The following PRMT2 variants were observed in gnomAD, a reference collection of about 807,000 sequenced individuals.
PRMT2 encodes protein arginine N-methyltransferase 2.
In PRMT2, 26 loss-of-function variants were observed where a neutral mutation model predicts 57.6. The observed-to-expected ratio is 0.45, with a 90% CI of 0.33 to 0.63. PRMT2 has a LOEUF of 0.63. Ranked by LOEUF, PRMT2 falls within the 20% of genes least tolerant of loss-of-function variation. The probability of loss-of-function intolerance (pLI) is 0.02; values close to 1 mark genes in which losing one functional copy is unlikely to be tolerated. For missense variants in PRMT2, 472 were observed against 564.4 expected, an observed-to-expected ratio of 0.84 and a Z score of 1.66; for synonymous variants, 219 against 220.0, an observed-to-expected ratio of 1.00 and a Z score of 0.04.
rs373960458 is a variant in PRMT2 at position 46,660,081 on chromosome 21, T to C, written c.831-752T>C. The C allele has an allele frequency of 8.6e-5, 84 of 975,578 alleles. 1 individual carries two copies. The South Asian group carries it at 3.5e-3, about 41-fold the overall frequency. The allele number at this position is 975,578 out of a possible 1,614,324, so 60.4% of individuals were successfully genotyped here. A position where few individuals can be genotyped will look rare whatever the true frequency, so the allele number is the denominator to read the frequency against. On this transcript the variant is annotated intron_variant, in intron 8 of 11. Transcript: ENST00000355680. ...TCCAATTTTTAAATTTGTAATTTTT[T>C]ATCAGAAAAATAAATGTGTAAATAT...
intron 8 of PRMT2, chr21:46,659,881 TAGAA>T (rs1328756773): frequency 2.0e-6 from 2 of 985,314 alleles, no homozygotes; most frequent in African/African-American, 3.5e-5. Context: ...TAATGATATT[TAGAA>T]AGGGTTTAAG....
Position 46,648,661 on chromosome 21 carries a change from G to T in PRMT2, c.489+42G>T, listed in dbSNP as rs778314426. 1.9e-6 allele frequency: 3 copies of T among 1,601,148 alleles called. No homozygotes were observed. The highest frequency in any genetic ancestry group is 2.7e-5 in the African/African-American group (2 of 74,846). On this transcript the variant is annotated intron_variant, in intron 6 of 11. Coordinates refer to ENST00000355680, the MANE Select transcript of PRMT2 (RefSeq NM_206962.4). The surrounding 1 kb of genome is among the most constrained non-coding windows in gnomAD (Gnocchi z 4.8). ...GCGCATCCCGGGTGTTTGTGCCGAGGCTGGTGACGTCCGAGGTGGCCTCTG... is the reference window on the plus strand; with the variant it reads ...GCGCATCCCGGGTGTTTGTGCCGAGTCTGGTGACGTCCGAGGTGGCCTCTG...
intron 7 of PRMT2, among the ~76,000 whole-genome samples, chr21:46,656,544 G>GT (rs942107453): frequency 5.9e-5 from 9 of 151,958 alleles, no homozygotes; most frequent in South Asian, 2.1e-4. Context: ...TGGTCAATGG[G>GT]TTTTTTTTAA....
chr21:46,658,449 C>T (rs552674304), intron 7 of PRMT2: 30 of 300,672 alleles, frequency 1.0e-4, no homozygotes, highest in African/African-American at 6.1e-4. Flanking sequence ...CGAGCTCTTC[C>T]GTGACTGAGA....
intron 1 of PRMT2, chr21:46,636,225 C>T (rs1306233271): frequency 2.0e-5 from 3 of 152,380 alleles, no homozygotes; most frequent in Non-Finnish European, 4.4e-5. Context: ...CCGAGGGCAT[C>T]TTAGGAGGGC....
At chr21:46,643,403 A>G in intron 3 of PRMT2, 132 bp from the exon 4 acceptor site, 2 of 1,301,988 alleles carry the variant, frequency 1.5e-6, no homozygotes, top group African/African-American at 3.0e-5. Context: ...AGATGATCCA[A>G]ATAGTTTGTA....
chr21:46,661,715 C>A, intron 9 of PRMT2, 85 bp from the exon 10 acceptor site: 1 of 1,228,942 alleles, frequency 8.1e-7, no homozygotes, highest in Non-Finnish European at 1.0e-6. Context: ...AGCGTCTGCG[C>A]GGGGCGCGTG....
At chr21:46,654,090 C>T (rs896921040) in intron 7 of PRMT2, 10 of 985,510 alleles carry the variant, frequency 1.0e-5, no homozygotes, top group African/African-American at 7.0e-5. Context: ...CAGTGTCCTC[C>T]TTCCCAGCAG....
chr21:46,646,473 T>C (rs1251081613), intron 5 of PRMT2, among the ~76,000 whole-genome samples: 1 of 152,220 alleles, frequency 6.6e-6, no homozygotes, highest in Non-Finnish European at 1.5e-5. Flanking sequence ...AGAAAAGGCA[T>C]TGTTCCACCA....
intron 9 of PRMT2, 109 bp downstream of exon 9, chr21:46,661,071 G>C: frequency 9.5e-7 from 1 of 1,055,984 alleles, no homozygotes; most frequent in Non-Finnish European, 1.3e-6. Context: ...GGGTGTGAGT[G>C]AATAACTAAT....
At chr21:46,661,273 A>C in intron 9 of PRMT2, 1 of 211,832 alleles carries the variant, frequency 4.7e-6, no homozygotes, top group Non-Finnish European at 9.3e-6. Context: ...TCGTTTCATT[A>C]TGGTATTTGC....
chr21:46,647,735 T>C (rs539976017), intron 5 of PRMT2, among the ~76,000 whole-genome samples: 28 of 152,328 alleles, frequency 1.8e-4, no homozygotes, highest in African/African-American at 6.5e-4. Context: ...GTAAAAAATA[T>C]AATGTAAAAT....
intron 9 of PRMT2, 112 bp from the exon 10 acceptor site, chr21:46,661,688 C>A (rs899793017): frequency 2.7e-6 from 3 of 1,117,802 alleles, no homozygotes; most frequent in African/African-American, 1.6e-5. Context: ...GGCTTTTCTA[C>A]GGTTCCTGAC....
At chr21:46,652,310 G>C in intron 7 of PRMT2, 2 of 1,244,862 alleles carry the variant, frequency 1.6e-6, no homozygotes, top group Non-Finnish European at 2.0e-6. Flanking sequence ...TAAAATACTT[G>C]ACAAAAAATT....
At chr21:46,658,447 TC>T in intron 7 of PRMT2, 1 of 297,838 alleles carries the variant, frequency 3.4e-6, no homozygotes, top group South Asian at 5.5e-5. Context: ...TACGAGCTCT[TC>T]CGTGACTGAG....
chr21:46,637,645 C>T (rs1041999991), intron 3 of PRMT2, among the ~76,000 whole-genome samples: 6 of 151,826 alleles, frequency 4.0e-5, no homozygotes, highest in African/African-American at 1.2e-4. Flanking sequence ...TGTTTTAATT[C>T]CGTGGACATC....
At chr21:46,659,659 G>C (rs1344918661) in intron 8 of PRMT2, 9 of 985,350 alleles carry the variant, frequency 9.1e-6, no homozygotes, top group Non-Finnish European at 8.4e-6. Context: ...AGGCTTGCCT[G>C]GCAGTGGCAG....
Position 46,649,501 on chromosome 21 carries a change from GT to G in PRMT2, c.490-72del, listed in dbSNP as rs759982236. 1 of 1,605,218 alleles carries G rather than the reference GT, an allele frequency of 6.2e-7. No homozygotes were observed. The highest frequency in any genetic ancestry group is 8.5e-7 in the Non-Finnish European group (1 of 1,173,464). On this transcript the variant is annotated intron_variant, in intron 6 of 11. Coordinates refer to ENST00000355680, the MANE Select transcript of PRMT2 (RefSeq NM_206962.4). This position sits in a 1 kb window ranked among gnomAD's most constrained non-coding sequence, Gnocchi z 4.8. ...TCATTGACCATTTCTCGTGATGCTG[GT>G]TGTGACTCAGGAGAGTAGATGACGG...
chr21:46,653,341 C>G, intron 7 of PRMT2: 1 of 985,374 alleles, frequency 1.0e-6, no homozygotes, highest in Non-Finnish European at 1.2e-6. Flanking sequence ...AATTTCATAC[C>G]AATAACACTT....
Sources: gnomAD v4.1 joint callset for allele counts (sites outside exome capture counted in the v4.1 genomes callset) on GRCh38, gnomAD v4.1.1 for gene constraint, Gnocchi (gnomAD v3.1) non-coding constraint, MANE v1.5 for transcripts, NCBI Gene and HGNC (gene_info 2026-07-23, HGNC 2026-07-21) for gene names.